The following C14orf132 variants were observed in gnomAD, a reference collection of about 807,000 sequenced individuals.
C14orf132 encodes the protein uncharacterized protein C14orf132.
A neutral mutation model predicts 5.8 loss-of-function variants in C14orf132; 6 were observed. That is an observed-to-expected ratio of 1.03 (90% CI 0.57 to 2.04). The LOEUF (loss-of-function observed/expected upper bound fraction) is 2.04, where lower values mean the gene tolerates loss of function less well. Ranked by LOEUF, C14orf132 falls within the 30% of genes most tolerant of loss-of-function variation. The pLI is 0.00. For synonymous variants in C14orf132, 51 were observed against 49.8 expected, an observed-to-expected ratio of 1.02 and a Z score of -0.10; for missense variants, 125 against 115.8, an observed-to-expected ratio of 1.08 and a Z score of -0.37.
At chr14:96,062,447 T>C in intron 1 of C14orf132, among the ~76,000 whole-genome samples, 1 of 152,154 alleles carries the variant, frequency 6.6e-6, no homozygotes, top group East Asian at 1.9e-4. Context: ...CTTCGTGTTT[T>C]CCTTTCGTCA....
At position 96,088,361 on chromosome 14, in the gene C14orf132, A is replaced by G. The variant is rs1888272804; in HGVS notation, c.*1626A>G. The G allele has an allele frequency of 6.6e-6, 1 of 152,210 alleles. No homozygotes were observed. Among genetic ancestry groups the G allele is most frequent in the Non-Finnish European group, 1.5e-5 (1 of 68,046 alleles). The allele number at this position is 152,210 out of a possible 1,614,324, so 9.4% of individuals were successfully genotyped here. A position where few individuals can be genotyped will look rare whatever the true frequency, so the allele number is the denominator to read the frequency against. On this transcript the variant is annotated 3_prime_UTR_variant, in exon 2 of 2. Transcript: ENST00000555004. ...ATCACATCTGTCACTGCCACCGTAT[A>G]TCATCTGCCAGTGCATCAGCTTAAG...
intron 1 of C14orf132, among the ~76,000 whole-genome samples, chr14:96,071,822 G>A (rs1887718769): frequency 6.6e-6 from 1 of 152,224 alleles, no homozygotes; most frequent in Non-Finnish European, 1.5e-5. Flanking sequence ...AGGGTGCCCT[G>A]CCAGGGCTGG....
chr14:96,047,369 A>G (rs754903430), intron 1 of C14orf132, among the ~76,000 whole-genome samples: 10 of 152,226 alleles, frequency 6.6e-5, no homozygotes, highest in Admixed American at 3.9e-4. Context: ...CCAGTCTCCA[A>G]TGAAATGCTT....
At chr14:96,047,949 A>G (rs1286428043) in intron 1 of C14orf132, among the ~76,000 whole-genome samples, 3 of 152,134 alleles carry the variant, frequency 2.0e-5, no homozygotes, top group African/African-American at 7.2e-5. Context: ...GAACTTTGGG[A>G]GGCCGAGGCA....
chr14:96,053,849 G>A (rs1295134457), intron 1 of C14orf132, among the ~76,000 whole-genome samples: 1 of 152,198 alleles, frequency 6.6e-6, no homozygotes, highest in Non-Finnish European at 1.5e-5. Context: ...CCTTGGGGAG[G>A]GAGCACTCCA....
intron 1 of C14orf132, among the ~76,000 whole-genome samples, chr14:96,075,563 G>C (rs1887837701): frequency 6.6e-6 from 1 of 152,056 alleles, no homozygotes; most frequent in Non-Finnish European, 1.5e-5. Flanking sequence ...GTTTGGTTTT[G>C]TTTTCTAGAT....
chr14:96,050,660 C>T (rs2139648277), intron 1 of C14orf132, among the ~76,000 whole-genome samples: 1 of 152,166 alleles, frequency 6.6e-6, no homozygotes, highest in African/African-American at 2.4e-5. Flanking sequence ...CTCTCACTTC[C>T]ATTCTTCAAC....
chr14:96,061,779 G>A (rs1887365006), intron 1 of C14orf132, among the ~76,000 whole-genome samples: 1 of 152,040 alleles, frequency 6.6e-6, no homozygotes, highest in Admixed American at 6.5e-5. Flanking sequence ...GTGTGGTGGT[G>A]CATGCCTGTA....
chr14:96,043,429 T>C lies in C14orf132; in HGVS notation c.27+3902T>C, dbSNP rs74086026. 5.9e-3 allele frequency among the ~76,000 whole-genome samples: 902 copies of C among 152,318 alleles called. 5 individuals carry two copies. Among genetic ancestry groups the C allele is most frequent in the African/African-American group, 0.021 (867 of 41,574 alleles). On this transcript the variant is annotated intron_variant, in intron 1 of 1. Coordinates refer to ENST00000555004, the MANE Select transcript of C14orf132 (RefSeq NM_001252507.3). ...ACTTGTTCTTATGGCGTAACTCTCC[T>C]GTTAAAGCATGCCTCGGGTCTAAAA...
chr14:96,055,081 A>C (rs1887138626), intron 1 of C14orf132, among the ~76,000 whole-genome samples: 1 of 152,208 alleles, frequency 6.6e-6, no homozygotes, highest in East Asian at 1.9e-4. Context: ...CCAAAATTTC[A>C]AAGATGCAGA....
Position 96,083,812 on chromosome 14 carries a change from G to C in C14orf132, c.28-2699G>C, listed in dbSNP as rs552603843. Among the ~76,000 whole-genome samples the C allele has an allele frequency of 2.6e-5, 4 of 152,224 alleles. No homozygotes were observed. In the South Asian group the frequency reaches 6.2e-4, roughly 24 times the overall value. On this transcript the variant is annotated intron_variant, in intron 1 of 1. Transcript: ENST00000555004. ...GTGGGAATTAGTCACAGCAGCGACA[G>C]GAAACTGACCTGCAAAGCTATTAAA...
rs11553303 is a variant in C14orf132, at chr14:96,092,049, G to A, written c.*5314G>A. 9 of 152,334 alleles carry A rather than the reference G, an allele frequency of 5.9e-5. No individual in the cohort carries two copies. The highest frequency in any genetic ancestry group is 1.9e-4 in the African/African-American group (8 of 41,572). 9.4% of individuals were successfully genotyped at this position (152,334 alleles called of 1,614,324 possible). A position where few individuals can be genotyped will look rare whatever the true frequency, so the allele number is the denominator to read the frequency against. On this transcript the variant is annotated 3_prime_UTR_variant, in exon 2 of 2. Transcript: ENST00000555004. ...TCCCTGGAGCGAGAAAACAGTTACT[G>A]CCAGAAGCAGAATGGAAGAGCCAAA...
In C14orf132 at chr14:96,086,489, TTC is replaced by T. The variant is rs1210848938; in HGVS notation, c.28-13_28-12del. The T allele has an allele frequency of 1.3e-6, 2 of 1,533,738 alleles. No individual in the cohort carries two copies. The highest frequency in any genetic ancestry group is 3.9e-5 in the Admixed American group (2 of 50,990). The stretch of plus-strand genomic sequence containing the variant: ...CCCAAGCCCCCATGGCCCTGGATAA[TTC>T]TCTCTCTCCTTCTTTGCAGCTGCCC... On this transcript the variant is annotated intron_variant, in intron 1 of 1. Coordinates refer to ENST00000555004, the MANE Select transcript of C14orf132 (RefSeq NM_001252507.3).
At chr14:96,064,363 T>TATATACACAC (rs1555385083) in intron 1 of C14orf132, among the ~76,000 whole-genome samples, 5 of 135,858 alleles carry the variant, frequency 3.7e-5, no homozygotes, top group African/African-American at 8.5e-5. Flanking sequence ...GGTGCATATA[T>TATATACACAC]ACACACACAC....
intron 1 of C14orf132, among the ~76,000 whole-genome samples, chr14:96,085,015 C>T (rs1888137987): frequency 6.6e-6 from 1 of 152,190 alleles, no homozygotes; most frequent in African/African-American, 2.4e-5. Flanking sequence ...ACCCTGAAGC[C>T]CATGGGGCTG....
intron 1 of C14orf132, among the ~76,000 whole-genome samples, chr14:96,070,845 C>T (rs1887688355): frequency 6.6e-6 from 1 of 152,080 alleles, no homozygotes; most frequent in African/African-American, 2.4e-5. Context: ...ACCTGCATCA[C>T]CTTAGTTTCT....
rs1295619700 is a variant in C14orf132, at chr14:96,090,812, G to C, written c.*4077G>C. The C allele has an allele frequency of 2.2e-6, 1 of 455,994 alleles. No individual in the cohort carries two copies. The highest frequency in any genetic ancestry group is 4.4e-6 in the Non-Finnish European group (1 of 226,814). 28.2% of individuals were successfully genotyped at this position (455,994 alleles called of 1,614,324 possible). A position where few individuals can be genotyped will look rare whatever the true frequency, so the allele number is the denominator to read the frequency against. On this transcript the variant is annotated 3_prime_UTR_variant, in exon 2 of 2. Coordinates refer to ENST00000555004, the MANE Select transcript of C14orf132 (RefSeq NM_001252507.3). ...CCAGACCACTCTGGCGTCTCCTGAAGTGGGTCCCTGGAGACCGAAGAGGCT... is the reference window on the plus strand; with the variant it reads ...CCAGACCACTCTGGCGTCTCCTGAACTGGGTCCCTGGAGACCGAAGAGGCT...
In C14orf132 at chr14:96,059,282, C is replaced by CA. The variant is rs370790451; in HGVS notation, c.27+19762dup. The stretch of plus-strand genomic sequence containing the variant: ...CCTAGGCGACAGAATGAGACACTGT[C>CA]AAAAAAACAAAACAAAATGAAAAAC... On this transcript the variant is annotated intron_variant, in intron 1 of 1. Coordinates refer to ENST00000555004, the MANE Select transcript of C14orf132 (RefSeq NM_001252507.3). 1.2e-4 allele frequency among the ~76,000 whole-genome samples: 19 copies of CA among 152,034 alleles called. 1 individual carries two copies. Among genetic ancestry groups the CA allele is most frequent in the African/African-American group, 3.4e-4 (14 of 41,460 alleles).
chr14:96,061,458 C>G (rs1054934537), intron 1 of C14orf132, among the ~76,000 whole-genome samples: 1 of 152,144 alleles, frequency 6.6e-6, no homozygotes, highest in Non-Finnish European at 1.5e-5. Context: ...AAACAGCAAA[C>G]GTGGCTGCCT....
Sources: gnomAD v4.1 joint callset for allele counts (sites outside exome capture counted in the v4.1 genomes callset) on GRCh38, gnomAD v4.1.1 for gene constraint, MANE v1.5 for transcripts, NCBI Gene and HGNC (gene_info 2026-07-23, HGNC 2026-07-21) for gene names.